Variants in MED12L observed in about 807,000 individuals in gnomAD.
The protein encoded by MED12L is mediator of RNA polymerase II transcription subunit 12-like protein.
In MED12L, 60 loss-of-function variants were observed where a neutral mutation model predicts 281.3. That is an observed-to-expected ratio of 0.21 (90% CI 0.17 to 0.26). The LOEUF (loss-of-function observed/expected upper bound fraction) is 0.26. Ranked by LOEUF, MED12L falls within the 10% of genes least tolerant of loss-of-function variation. The pLI, the probability that MED12L is intolerant of heterozygous loss-of-function variation, is 1.00. For synonymous variants in MED12L, 974 were observed against 987.2 expected (o/e 0.99, Z 0.25); for missense variants, 2,146 against 2,680.9 (o/e 0.80, Z 4.41).
intron 5 of MED12L, among the ~76,000 whole-genome samples, chr3:151,148,003 T>G (rs181913968): frequency 1.5e-3 from 234 of 152,378 alleles, no homozygotes; most frequent in Admixed American, 5.7e-3. Flanking sequence ...ACCTGAGGAT[T>G]TCAGTTTCTC....
Position 151,214,486 on chromosome 3 carries a change from T to C in MED12L, c.2250+20820T>C. 5.5e-6 allele frequency: 3 copies of C among 546,272 alleles called. 1 individual carries two copies. 33.8% of individuals were successfully genotyped at this position (546,272 alleles called of 1,614,324 possible). The stretch of plus-strand genomic sequence containing the variant: ...TTACTCTGTGTAAGTTAGACACTCA[T>C]CCCTCCCTCCCTCTGTTCTTCCTTT... On this transcript the variant is annotated intron_variant, in intron 16 of 44. Transcript: ENST00000687756.
chr3:151,181,297 G>A (rs1022225474), intron 11 of MED12L, among the ~76,000 whole-genome samples: 2 of 152,110 alleles, frequency 1.3e-5, no homozygotes, highest in African/African-American at 2.4e-5. Flanking sequence ...TTTATCTCAA[G>A]CATGTTTAGA....
rs1034712561 is a variant in MED12L at position 151,175,436 on chromosome 3, T to C, written c.1494+9454T>C. Among the ~76,000 whole-genome samples, 5 of 152,356 alleles carry C rather than the reference T, an allele frequency of 3.3e-5. No individual in the cohort carries two copies. The East Asian group carries it at 7.7e-4, about 23-fold the overall frequency. Reference sequence around the variant, plus strand: ...TTTTAATTTTAAAAAACGTTTCAACTCTTTTTAGTTAGCTGTTGCTGATAG... The same window carrying C: ...TTTTAATTTTAAAAAACGTTTCAACCCTTTTTAGTTAGCTGTTGCTGATAG... On this transcript the variant is annotated intron_variant, in intron 11 of 44. Coordinates refer to ENST00000687756, the MANE Select transcript of MED12L (RefSeq NM_001393769.1).
chr3:151,229,712 G>T (rs542260192), intron 16 of MED12L, among the ~76,000 whole-genome samples: 2 of 152,102 alleles, frequency 1.3e-5, no homozygotes, highest in Admixed American at 1.3e-4. Context: ...TGATCCGCCT[G>T]CCTCGGCCTC....
At position 151,150,697 on chromosome 3, in the gene MED12L, C is replaced by T. The variant is rs75676820; in HGVS notation, c.557-5464C>T. On this transcript the variant is annotated intron_variant, in intron 5 of 44. Coordinates refer to ENST00000687756, the MANE Select transcript of MED12L (RefSeq NM_001393769.1). ...TTGAAAATCTGTTGTTCACTGTAGT[C>T]ACCTTCATCAATGATCCCAGCTAGA... 5.8e-3 allele frequency among the ~76,000 whole-genome samples: 889 copies of T among 152,342 alleles called. 9 individuals are homozygous for T. The highest frequency in any genetic ancestry group is 0.02 in the African/African-American group (838 of 41,574).
chr3:151,156,186 T>C lies in MED12L; in HGVS notation c.582T>C (p.Tyr194=). The part of the protein sequence containing the change: ...NLEWTQISTR[Y]LREQLAKISD... ...AGTGGACACAGATATCTACCAGATA[T>C]CTTCGAGAGCAGTTGGCCAAGATTT... Residue 194 remains tyrosine, a synonymous_variant, in exon 6 of 45, where the codon TAT becomes TAC. Coordinates refer to ENST00000687756, the MANE Select transcript of MED12L (RefSeq NM_001393769.1). 1.2e-6 allele frequency: 2 copies of C among 1,611,360 alleles called. No individual in the cohort carries two copies. The highest frequency in any genetic ancestry group is 1.1e-5 in the South Asian group (1 of 90,372).
At chr3:151,292,417 G>A (rs1260557667) in intron 16 of MED12L, among the ~76,000 whole-genome samples, 4 of 151,660 alleles carry the variant, frequency 2.6e-5, no homozygotes, top group African/African-American at 7.3e-5. Flanking sequence ...CTTCTAAGTA[G>A]CTGGGATTAC....
Position 151,360,648 on chromosome 3 carries a change from T to C in MED12L, c.2957+43T>C, listed in dbSNP as rs1754493996. On this transcript the variant is annotated intron_variant, in intron 21 of 44. Transcript: ENST00000687756. ...AAAAGGACAGAAATAGGATCATGCCTATGTTTGTTAGTGACCCTGACAATA... is the reference window on the plus strand; with the variant it reads ...AAAAGGACAGAAATAGGATCATGCCCATGTTTGTTAGTGACCCTGACAATA... The C allele has an allele frequency of 2.6e-6, 4 of 1,559,558 alleles. No homozygotes were observed. The South Asian group carries it at 3.5e-5, about 14-fold the overall frequency.
chr3:151,383,770 G>A lies in MED12L; in HGVS notation c.4681-9G>A, dbSNP rs139082916. 3.2e-6 allele frequency: 5 copies of A among 1,586,754 alleles called. No individual in the cohort carries two copies. The African/African-American group carries it at 6.7e-5, about 21-fold the overall frequency. ...GAATGCAAATATCTTACTGTATTTT[G>A]TCTGCTAGGTAGGAGGAATGTTTGA... is the stretch of plus-strand genomic sequence containing the variant. On this transcript the variant is annotated splice_polypyrimidine_tract_variant and intron_variant, in intron 33 of 44. Coordinates refer to ENST00000687756, the MANE Select transcript of MED12L (RefSeq NM_001393769.1).
intron 16 of MED12L, among the ~76,000 whole-genome samples, chr3:151,246,281 A>G (rs1195218916): frequency 1.3e-5 from 2 of 152,316 alleles, no homozygotes; most frequent in Admixed American, 6.5e-5. Context: ...TTTAAAGTTC[A>G]TATGGAACCA....
intron 5 of MED12L, among the ~76,000 whole-genome samples, chr3:151,145,436 C>T (rs139313105): frequency 2.6e-5 from 4 of 152,198 alleles, no homozygotes; most frequent in East Asian, 3.8e-4. Context: ...CCTGACCCTT[C>T]TGAGTATCAG....
At chr3:151,336,383 A>C in intron 16 of MED12L, 1 of 387,948 alleles carries the variant, frequency 2.6e-6, no homozygotes, top group Non-Finnish European at 5.1e-6. Context: ...AAATGAGTTC[A>C]GCTTCGTAAT....
In MED12L at chr3:151,164,058, C is replaced by T; in HGVS notation, c.1257+16C>T. ...CAATCAGCAGGTAGACTTTATGTTT[C>T]AGTGATTTGATGGCTGTTTTCATTC... On this transcript the variant is annotated intron_variant, in intron 9 of 44. Coordinates refer to ENST00000687756, the MANE Select transcript of MED12L (RefSeq NM_001393769.1). The T allele has an allele frequency of 1.2e-6, 2 of 1,610,926 alleles. No homozygotes were observed. The highest frequency in any genetic ancestry group is 1.7e-6 in the Non-Finnish European group (2 of 1,178,118).
chr3:151,233,799 G>A (rs1022495937), intron 16 of MED12L, among the ~76,000 whole-genome samples: 6 of 152,226 alleles, frequency 3.9e-5, no homozygotes, highest in Non-Finnish European at 1.5e-5. Context: ...TTCTTGGATC[G>A]TTCCTGTTCC....
At chr3:151,355,015 G>C in intron 17 of MED12L, 106 bp from the exon 18 acceptor site, 1 of 764,318 alleles carries the variant, frequency 1.3e-6, no homozygotes, top group Non-Finnish European at 2.3e-6. Context: ...CATAGAATTT[G>C]TGCACTTTTC....
intron 26 of MED12L, among the ~76,000 whole-genome samples, chr3:151,371,899 A>G (rs1164995074): frequency 6.6e-6 from 1 of 152,220 alleles, no homozygotes; most frequent in East Asian, 1.9e-4. Context: ...TTTGTTATGA[A>G]GAAAACACTT....
rs770375092 is a variant in MED12L, at chr3:151,159,999, C to A, written c.1005C>A (p.Gly335=). 2 of 1,611,424 alleles carry A rather than the reference C, an allele frequency of 1.2e-6. No individual in the cohort carries two copies. Among genetic ancestry groups the A allele is most frequent in the Non-Finnish European group, 1.7e-6 (2 of 1,177,828 alleles). The change falls in exon 8 of 45, where the codon GGC becomes GGA. Residue 335 remains glycine (G), a synonymous_variant. Coordinates refer to ENST00000687756, the MANE Select transcript of MED12L (RefSeq NM_001393769.1). ...CGAGTATCGGGGCCCCCAGCCCTGG[C>A]CCCCCCGGCCCTGGCATGAGCCCCG... ...NNSSIGAPSP[G]PPGPGMSPVQ... is the part of the protein sequence containing the mutation.
At chr3:151,250,346 A>G (rs755094223) in intron 16 of MED12L, among the ~76,000 whole-genome samples, 1 of 152,166 alleles carries the variant, frequency 6.6e-6, no homozygotes, top group Non-Finnish European at 1.5e-5. Context: ...TTACATTCAC[A>G]TTGTTGTGTA....
intron 16 of MED12L, among the ~76,000 whole-genome samples, chr3:151,349,649 T>A (rs866533241): frequency 6.6e-6 from 1 of 152,156 alleles, no homozygotes; most frequent in South Asian, 2.1e-4. Flanking sequence ...ATGTAAATAT[T>A]TACTATTGCT....
Sources: gnomAD v4.1 joint callset for allele counts (sites outside exome capture counted in the v4.1 genomes callset) on GRCh38, gnomAD v4.1.1 for gene constraint, MANE v1.5 for transcripts, NCBI Gene and HGNC (gene_info 2026-07-23, HGNC 2026-07-21) for gene names.